The following CRB1 variants were observed in gnomAD, a reference collection of about 807,000 sequenced individuals.
CRB1 encodes crumbs cell polarity complex component 1, also known as protein crumbs homolog 1.
A neutral mutation model predicts 120.0 loss-of-function variants in CRB1; 83 were observed. The ratio of observed to expected loss-of-function variants is 0.69; its 90% CI spans 0.58 to 0.83. The LOEUF is 0.83. CRB1 is among the 40% of genes least tolerant of loss of function. The pLI, the probability that CRB1 is intolerant of heterozygous loss-of-function variation, is 0.00. For synonymous variants in CRB1, 625 were observed against 612.5 expected (o/e 1.02, Z -0.30); for missense variants, 1,699 against 1,687.6 (o/e 1.01, Z -0.12).
intron 1 of CRB1, among the ~76,000 whole-genome samples, chr1:197,326,112 A>G (rs887388020): frequency 2.0e-5 from 3 of 152,224 alleles, no homozygotes; most frequent in African/African-American, 7.2e-5. Context: ...GTATGCATAT[A>G]CATATGCATA....
the CRB1 span, among the ~76,000 whole-genome samples, chr1:197,206,255 G>T: frequency 2.0e-5 from 3 of 149,610 alleles, no homozygotes; most frequent in African/African-American, 7.4e-5. Context: ...ATATCATTTA[G>T]TTCTGCTCTG....
At chr1:197,355,830 G>A (rs942893940) in intron 4 of CRB1, among the ~76,000 whole-genome samples, 3 of 152,240 alleles carry the variant, frequency 2.0e-5, no homozygotes, top group African/African-American at 7.2e-5. Flanking sequence ...CCAGCCCATA[G>A]AGGGGCTCCC....
At chr1:197,458,129 G>A (rs1666365552) in intron 11 of CRB1, among the ~76,000 whole-genome samples, 1 of 152,040 alleles carries the variant, frequency 6.6e-6, no homozygotes, top group Non-Finnish European at 1.5e-5. Flanking sequence ...TTAAGGCACT[G>A]GTCCCAAAAG....
chr1:197,264,081 T>C (rs1654578107), upstream of CRB1, among the ~76,000 whole-genome samples: 1 of 152,220 alleles, frequency 6.6e-6, no homozygotes, highest in South Asian at 2.1e-4. Flanking sequence ...ATCACCAATG[T>C]ACATTATACC....
At chr1:197,315,576 T>C (rs1657790423) in intron 1 of CRB1, among the ~76,000 whole-genome samples, 1 of 152,246 alleles carries the variant, frequency 6.6e-6, no homozygotes, top group African/African-American at 2.4e-5. Context: ...TCCATTCATA[T>C]AGACTCTCTA....
intron 6 of CRB1, chr1:197,422,763 A>C (rs1287597998): frequency 2.6e-5 from 4 of 152,134 alleles, no homozygotes; most frequent in East Asian, 1.9e-4. Flanking sequence ...CTGAGAGGTA[A>C]TTGTAACGGA....
chr1:197,413,966 A>C (rs2125455109), intron 5 of CRB1: 2 of 457,036 alleles, frequency 4.4e-6, no homozygotes, highest in South Asian at 1.6e-5. Flanking sequence ...GAGCCAGGAC[A>C]CATGGTTTTC....
the CRB1 span, among the ~76,000 whole-genome samples, chr1:197,234,251 G>A: frequency 6.6e-6 from 1 of 152,206 alleles, no homozygotes; most frequent in East Asian, 1.9e-4. Context: ...ATAGAATAAA[G>A]GGAAAGTGGT....
intron 2 of CRB1, among the ~76,000 whole-genome samples, chr1:197,334,474 A>G (rs962928637): frequency 6.6e-6 from 1 of 152,150 alleles, no homozygotes; most frequent in Non-Finnish European, 1.5e-5. Context: ...TTAATACCAT[A>G]ATAAAAAGGG....
At chr1:197,215,311 C>T in the CRB1 span, among the ~76,000 whole-genome samples, 2 of 141,550 alleles carry the variant, frequency 1.4e-5, no homozygotes, top group Non-Finnish European at 3.0e-5. Context: ...CAGTTTCACT[C>T]TTGTTGCCCA....
intron 11 of CRB1, among the ~76,000 whole-genome samples, chr1:197,445,414 G>A (rs1245455138): frequency 1.3e-5 from 2 of 152,128 alleles, no homozygotes; most frequent in African/African-American, 4.8e-5. Context: ...ATCAGTGTTT[G>A]AGGAGGAGAG....
intron 5 of CRB1, among the ~76,000 whole-genome samples, chr1:197,405,960 C>T (rs1663363924): frequency 6.7e-6 from 1 of 149,428 alleles, no homozygotes. Context: ...GTGGGGGGGT[C>T]AGCCCCCCGC....
At chr1:197,359,012 C>T (rs544176562) in intron 5 of CRB1, among the ~76,000 whole-genome samples, 10 of 152,038 alleles carry the variant, frequency 6.6e-5, no homozygotes, top group African/African-American at 1.7e-4. Context: ...TATGTCTACA[C>T]GTTTTTCTAT....
At chr1:197,223,707 C>A in the CRB1 span, among the ~76,000 whole-genome samples, 1 of 152,126 alleles carries the variant, frequency 6.6e-6, no homozygotes, top group African/African-American at 2.4e-5. Flanking sequence ...ATAAGTATCT[C>A]TGAAACAAGA....
chr1:197,466,505 C>T (rs1025528764), intron 11 of CRB1, among the ~76,000 whole-genome samples: 5 of 152,084 alleles, frequency 3.3e-5, no homozygotes, highest in African/African-American at 4.8e-5. Context: ...GTAAAATAAG[C>T]TTGGTGTTCT....
At chr1:197,447,497 C>T (rs1665755353) in intron 11 of CRB1, 1 of 152,174 alleles carries the variant, frequency 6.6e-6, no homozygotes, top group Admixed American at 6.6e-5. Flanking sequence ...GAGGGGCACA[C>T]AAGGTGTAAA....
chr1:197,418,417 A>T (rs1236390773), intron 5 of CRB1, among the ~76,000 whole-genome samples: 1 of 152,202 alleles, frequency 6.6e-6, no homozygotes, highest in Non-Finnish European at 1.5e-5. Flanking sequence ...ACATTTAATC[A>T]TTCATACCCT....
chr1:197,206,213 GTTTT>G, the CRB1 span, among the ~76,000 whole-genome samples: 1 of 151,768 alleles, frequency 6.6e-6, no homozygotes, highest in Non-Finnish European at 1.5e-5. Context: ...CCAGCTTTTT[GTTTT>G]ATTTATCTTT....
chr1:197,424,960 T>C (rs3888104), intron 6 of CRB1, among the ~76,000 whole-genome samples: 141,744 of 152,230 alleles, frequency 0.93, 66,891 homozygotes, highest in East Asian at 1. Flanking sequence ...CACATGCTGA[T>C]TAGTTGCTTG....
Sources: gnomAD v4.1 joint callset for allele counts (sites outside exome capture counted in the v4.1 genomes callset) on GRCh38, gnomAD v4.1.1 for gene constraint, MANE v1.5 for transcripts, NCBI Gene and HGNC (gene_info 2026-07-23, HGNC 2026-07-21) for gene names.